Variants in BMP5 observed in about 807,000 individuals in gnomAD.
BMP5 encodes the protein bone morphogenetic protein 5.
A neutral mutation model predicts 46.6 loss-of-function variants in BMP5; 23 were observed. That is an observed-to-expected ratio of 0.49 (90% CI 0.35 to 0.70). BMP5 has a LOEUF of 0.70. Ranked by LOEUF, BMP5 falls within the 30% of genes least tolerant of loss-of-function variation. BMP5 has a pLI of 0.00. For missense variants in BMP5, 545 were observed against 565.6 expected (o/e 0.96, Z 0.37); for synonymous variants, 204 against 191.9 (o/e 1.06, Z -0.52).
At chr6:55,827,038 G>T (rs898289728) in intron 1 of BMP5, among the ~76,000 whole-genome samples, 2 of 151,758 alleles carry the variant, frequency 1.3e-5, no homozygotes, top group African/African-American at 4.8e-5. Context: ...TTCTTAGCGT[G>T]CTCTCTCCTC....
intron 1 of BMP5, among the ~76,000 whole-genome samples, chr6:55,860,974 G>A (rs894146250): frequency 6.6e-6 from 1 of 152,206 alleles, no homozygotes; most frequent in Admixed American, 6.5e-5. Context: ...GGGGCAATGA[G>A]TGAGCTATGG....
chr6:55,862,257 G>A (rs750812249), intron 1 of BMP5, among the ~76,000 whole-genome samples: 1 of 152,160 alleles, frequency 6.6e-6, no homozygotes, highest in Non-Finnish European at 1.5e-5. Context: ...AAACTACCAG[G>A]AAAGAGTAAG....
At chr6:55,796,469 A>T (rs9475408) in intron 2 of BMP5, among the ~76,000 whole-genome samples, 39,151 of 150,816 alleles carry the variant, frequency 0.26, 5,109 homozygotes, top group African/African-American at 0.28. Flanking sequence ...ATATATATAT[A>T]TTTTTTTCTT....
Position 55,755,584 on chromosome 6 carries a change from G to A in BMP5, c.1314C>T (p.Val438=). ...SVLYFDDSSN[V]ILKKYRNMVV... ...CCATATTTCTATATTTTTTCAAAAT[G>A]ACATTGGAGCTGTCATCAAAGTACA... Residue 438 remains valine, a synonymous_variant, in exon 7 of 7, where the codon GTC becomes GTT. Transcript: ENST00000370830. 6.2e-7 allele frequency: 1 copy of A among 1,611,908 alleles called. No individual in the cohort carries two copies. Among genetic ancestry groups the A allele is most frequent in the South Asian group, 1.1e-5 (1 of 90,958 alleles).
At chr6:55,795,705 T>A (rs1315631485) in intron 2 of BMP5, among the ~76,000 whole-genome samples, 2 of 152,090 alleles carry the variant, frequency 1.3e-5, no homozygotes, top group African/African-American at 4.8e-5. Context: ...CTAGAGAAAT[T>A]CAAATAAATG....
chr6:55,806,084 T>C (rs148223085), intron 2 of BMP5, among the ~76,000 whole-genome samples: 281 of 152,306 alleles, frequency 1.8e-3, no homozygotes, highest in African/African-American at 6.3e-3. Context: ...TAGATCTCAT[T>C]TATTACTTTT....
chr6:55,756,896 G>A (rs1774620155), intron 6 of BMP5, among the ~76,000 whole-genome samples: 1 of 151,850 alleles, frequency 6.6e-6, no homozygotes, highest in Non-Finnish European at 1.5e-5. Context: ...GTTCTTGAAT[G>A]GTTTCTCAAT....
chr6:55,829,155 A>G (rs1408958847), intron 1 of BMP5, among the ~76,000 whole-genome samples: 1 of 151,838 alleles, frequency 6.6e-6, no homozygotes, highest in African/African-American at 2.4e-5. Flanking sequence ...AAGAACTGCA[A>G]GTGGCCCACG....
intron 3 of BMP5, among the ~76,000 whole-genome samples, chr6:55,779,831 C>T (rs1775264369): frequency 6.6e-6 from 1 of 151,762 alleles, no homozygotes; most frequent in South Asian, 2.1e-4. Context: ...ATTTAGCGTT[C>T]CTCCTTATTA....
chr6:55,761,086 T>G (rs1200693459), intron 4 of BMP5, among the ~76,000 whole-genome samples: 1 of 152,036 alleles, frequency 6.6e-6, no homozygotes, highest in Non-Finnish European at 1.5e-5. Flanking sequence ...GGTAGTTGCC[T>G]GGGTTAAAAA....
At chr6:55,864,899 C>T (rs1314512550) in intron 1 of BMP5, among the ~76,000 whole-genome samples, 9 of 150,450 alleles carry the variant, frequency 6.0e-5, no homozygotes, top group Non-Finnish European at 8.9e-5. Flanking sequence ...ATTTAATAGC[C>T]GCATCTGAAA....
rs773456075 is a variant in BMP5, at chr6:55,784,520, T to C, written c.832+9759A>G. On this transcript the variant is annotated intron_variant, in intron 3 of 6. Transcript: ENST00000370830. ...AGGGGGTTTGTTATCAAGTTCTAAA[T>C]AAAAAGATTAAATTTGACTAAATTT... is the stretch of plus-strand genomic sequence containing the variant. Among the ~76,000 whole-genome samples the C allele has an allele frequency of 5.1e-4, 77 of 151,808 alleles. 1 individual carries two copies. Among genetic ancestry groups the C allele is most frequent in the African/African-American group, 1.2e-3 (50 of 41,522 alleles).
At chr6:55,792,730 T>C (rs1423120139) in intron 3 of BMP5, among the ~76,000 whole-genome samples, 4 of 152,134 alleles carry the variant, frequency 2.6e-5, no homozygotes, top group African/African-American at 2.4e-5. Context: ...TAAGCATTTA[T>C]AGCAATAAAT....
Position 55,807,513 on chromosome 6 carries a change from C to T in BMP5, c.683+12142G>A, listed in dbSNP as rs2218588. Among the ~76,000 whole-genome samples, 782 of 152,216 alleles carry T rather than the reference C, an allele frequency of 5.1e-3. 6 individuals carry two copies. The highest frequency in any genetic ancestry group is 0.018 in the African/African-American group (734 of 41,532). ...CATCGATGTTCATTAGGGATATTGGCCTGAAGTTTTCTTTCTTCGTTGTGT... is the reference window on the plus strand; with the variant it reads ...CATCGATGTTCATTAGGGATATTGGTCTGAAGTTTTCTTTCTTCGTTGTGT... On this transcript the variant is annotated intron_variant, in intron 2 of 6. Transcript: ENST00000370830.
intron 4 of BMP5, among the ~76,000 whole-genome samples, chr6:55,772,246 T>C (rs1775064110): frequency 6.6e-6 from 1 of 151,982 alleles, no homozygotes; most frequent in Non-Finnish European, 1.5e-5. Context: ...ATGTGTTTTA[T>C]TCATCTCTGC....
chr6:55,844,612 T>G (rs1004979820), intron 1 of BMP5, among the ~76,000 whole-genome samples: 12 of 151,980 alleles, frequency 7.9e-5, no homozygotes, highest in African/African-American at 2.9e-4. Flanking sequence ...TACAGCTGAT[T>G]GTTAAAATTC....
At chr6:55,777,507 A>G in intron 3 of BMP5, among the ~76,000 whole-genome samples, 1 of 152,030 alleles carries the variant, frequency 6.6e-6, no homozygotes, top group South Asian at 2.1e-4. Context: ...AGCATTGAAT[A>G]TACAGTGGAA....
intron 6 of BMP5, among the ~76,000 whole-genome samples, chr6:55,756,549 GC>G (rs1263380848): frequency 6.6e-6 from 1 of 151,854 alleles, no homozygotes. Context: ...ACCTATTCTG[GC>G]CCTTCCCCCA....
At chr6:55,837,336 T>TAGAC (rs1776829480) in intron 1 of BMP5, among the ~76,000 whole-genome samples, 1 of 37,872 alleles carries the variant, frequency 2.6e-5, no homozygotes, top group South Asian at 1.2e-3. Context: ...AAAACTAATT[T>TAGAC]AGATAGATAG....
Sources: allele counts gnomAD v4.1 joint callset (sites outside exome capture counted in the v4.1 genomes callset), GRCh38; gene constraint gnomAD v4.1.1; transcripts MANE v1.5; gene names NCBI Gene and HGNC (gene_info 2026-07-23, HGNC 2026-07-21).